CSMD1: variants seen among roughly 807,000 people sequenced by gnomAD.
CSMD1 encodes CUB and Sushi multiple domains 1.
Under a neutral mutation model 417.5 loss-of-function variants are expected in CSMD1, and 213 were observed. The observed-to-expected ratio is 0.51, with a 90% CI of 0.46 to 0.57. CSMD1 has a LOEUF of 0.57. Among genes scored for constraint, CSMD1 ranks in the 20% least tolerant of loss-of-function variants. The pLI, the probability that CSMD1 is intolerant of heterozygous loss-of-function variation, is 0.00. For synonymous variants in CSMD1, 2,862 were observed against 1,736.8 expected (o/e 1.65, Z -16.11); for missense variants, 6,923 against 4,529.7 (o/e 1.53, Z -15.17).
chr8:4,298,915 T>C (rs184922942), intron 3 of CSMD1, among the ~76,000 whole-genome samples: 18 of 152,192 alleles, frequency 1.2e-4, no homozygotes, highest in African/African-American at 3.9e-4. Context: ...TATGTATATA[T>C]ACACACATAA....
intron 4 of CSMD1, among the ~76,000 whole-genome samples, chr8:4,023,689 C>G (rs750319793): frequency 4.6e-5 from 7 of 150,738 alleles, no homozygotes; most frequent in Non-Finnish European, 1.0e-4. Context: ...AGGGTTCACG[C>G]CATTCTCCTG....
chr8:3,480,510 T>G (rs751825777), intron 11 of CSMD1, among the ~76,000 whole-genome samples: 1 of 152,210 alleles, frequency 6.6e-6, no homozygotes, highest in Non-Finnish European at 1.5e-5. Flanking sequence ...ATGATGGTGT[T>G]GAAATTATTT....
At chr8:3,657,754 T>C (rs1563242044) in intron 7 of CSMD1, among the ~76,000 whole-genome samples, 1 of 151,990 alleles carries the variant, frequency 6.6e-6, no homozygotes, top group Non-Finnish European at 1.5e-5. Flanking sequence ...AGATGATGGG[T>C]TGATGGGCAC....
At chr8:4,976,114 T>C (rs1810547419) in intron 1 of CSMD1, among the ~76,000 whole-genome samples, 1 of 152,064 alleles carries the variant, frequency 6.6e-6, no homozygotes, top group South Asian at 2.1e-4. Flanking sequence ...AAACATTGGA[T>C]AAATATGGAC....
chr8:3,699,737 C>G (rs1043525100), intron 7 of CSMD1, among the ~76,000 whole-genome samples: 1 of 152,196 alleles, frequency 6.6e-6, no homozygotes, highest in African/African-American at 2.4e-5. Context: ...ATCTTTATGA[C>G]AGCTTCTGGA....
intron 54 of CSMD1, among the ~76,000 whole-genome samples, chr8:2,984,225 C>A (rs1344550156): frequency 6.6e-6 from 1 of 152,204 alleles, no homozygotes; most frequent in Non-Finnish European, 1.5e-5. Flanking sequence ...CTGTCAAATT[C>A]TGCTCACTGG....
intron 3 of CSMD1, among the ~76,000 whole-genome samples, chr8:4,233,040 AG>A (rs1310181014): frequency 3.3e-5 from 5 of 152,184 alleles, no homozygotes; most frequent in Non-Finnish European, 2.9e-5. Flanking sequence ...CAAAACCACA[AG>A]GATATGTTGC....
intron 3 of CSMD1, among the ~76,000 whole-genome samples, chr8:4,259,994 G>T (rs1803754845): frequency 6.6e-6 from 1 of 150,470 alleles, no homozygotes; most frequent in African/African-American, 2.4e-5. Context: ...GACCTATAAA[G>T]CACATCAGTT....
At chr8:3,746,784 A>T (rs140081550) in intron 6 of CSMD1, among the ~76,000 whole-genome samples, 2,359 of 152,300 alleles carry the variant, frequency 0.015, 27 homozygotes, top group South Asian at 0.027. Flanking sequence ...TACATTTATG[A>T]CTTTTTAATA....
intron 2 of CSMD1, among the ~76,000 whole-genome samples, chr8:4,420,598 A>G (rs1797193084): frequency 6.6e-6 from 1 of 152,152 alleles, no homozygotes; most frequent in Admixed American, 6.6e-5. Flanking sequence ...TTGTGCACTC[A>G]AACATGAAAG....
At chr8:3,633,281 T>C (rs544362426) in intron 7 of CSMD1, among the ~76,000 whole-genome samples, 1 of 152,322 alleles carries the variant, frequency 6.6e-6, no homozygotes, top group East Asian at 1.9e-4. Flanking sequence ...CATAAAATTA[T>C]GTGGAAAATG....
chr8:3,542,365 T>C (rs1798476130), intron 10 of CSMD1, among the ~76,000 whole-genome samples: 2 of 152,200 alleles, frequency 1.3e-5, no homozygotes, highest in African/African-American at 4.8e-5. Context: ...GATAGGTAAT[T>C]AGTTATTTTA....
intron 3 of CSMD1, among the ~76,000 whole-genome samples, chr8:4,048,945 A>C (rs907125235): frequency 6.6e-6 from 1 of 152,152 alleles, no homozygotes; most frequent in Non-Finnish European, 1.5e-5. Flanking sequence ...AAATATTTCT[A>C]CTATAAATCT....
chr8:4,985,823 C>T (rs1242126394), intron 1 of CSMD1, among the ~76,000 whole-genome samples: 1 of 152,020 alleles, frequency 6.6e-6, no homozygotes, highest in Non-Finnish European at 1.5e-5. Context: ...AACAAAATAC[C>T]CTCACAGATG....
chr8:4,632,021 A>G (rs900804215), intron 2 of CSMD1, among the ~76,000 whole-genome samples: 1 of 152,220 alleles, frequency 6.6e-6, no homozygotes, highest in Admixed American at 6.5e-5. Context: ...TTGGAAATAG[A>G]TGTCAACGTC....
In CSMD1 at chr8:3,847,825, T is replaced by C. The variant is rs546853727; in HGVS notation, c.819-93783A>G. 5.8e-4 allele frequency among the ~76,000 whole-genome samples: 88 copies of C among 152,318 alleles called. 1 individual carries two copies. Among genetic ancestry groups the C allele is most frequent in the Middle Eastern group, 6.8e-3 (2 of 294 alleles). On this transcript the variant is annotated intron_variant, in intron 5 of 69. Coordinates refer to ENST00000635120, the MANE Select transcript of CSMD1 (RefSeq NM_033225.6). The stretch of plus-strand genomic sequence containing the variant: ...GCCAATAATTGCACATCAAACCTCA[T>C]CTTGACTGATTTAGATGTATTTGCT...
At chr8:3,641,969 G>T (rs1389453042) in intron 7 of CSMD1, among the ~76,000 whole-genome samples, 1 of 152,128 alleles carries the variant, frequency 6.6e-6, no homozygotes, top group African/African-American at 2.4e-5. Flanking sequence ...CAGATGGGGA[G>T]AGAGCAGCAA....
At chr8:3,070,596 C>T (rs939299091) in intron 49 of CSMD1, among the ~76,000 whole-genome samples, 6 of 152,232 alleles carry the variant, frequency 3.9e-5, no homozygotes, top group Non-Finnish European at 8.8e-5. Flanking sequence ...ACCTTTGCTC[C>T]AATTCCCAAG....
At chr8:4,448,129 T>C (rs1340167706) in intron 2 of CSMD1, among the ~76,000 whole-genome samples, 1 of 152,184 alleles carries the variant, frequency 6.6e-6, no homozygotes, top group African/African-American at 2.4e-5. Context: ...AGTTCTCACT[T>C]TTACCAATGT....
Sources: allele counts gnomAD v4.1 joint callset (sites outside exome capture counted in the v4.1 genomes callset), GRCh38; gene constraint gnomAD v4.1.1; transcripts MANE v1.5; gene names NCBI Gene and HGNC (gene_info 2026-07-23, HGNC 2026-07-21).